The following PTPRD variants were observed in gnomAD, a reference collection of about 807,000 sequenced individuals.
The protein encoded by PTPRD is receptor-type tyrosine-protein phosphatase delta.
PTPRD carries 34 observed loss-of-function variants against 214.5 expected under a neutral mutation model. The observed-to-expected ratio is 0.16, with a 90% CI of 0.12 to 0.21. The LOEUF (loss-of-function observed/expected upper bound fraction) is 0.21, where lower values mean the gene tolerates loss of function less well. Among genes scored for constraint, PTPRD ranks in the 10% least tolerant of loss-of-function variants. The pLI, the probability that PTPRD is intolerant of heterozygous loss-of-function variation, is 1.00. For missense variants in PTPRD, 2,545 were observed against 2,398.7 expected (o/e 1.06, Z -1.27); for synonymous variants, 1,128 against 845.7 (o/e 1.33, Z -5.79).
intron 8 of PTPRD, among the ~76,000 whole-genome samples, chr9:9,410,430 T>G (rs964134623): frequency 6.6e-6 from 1 of 152,230 alleles, no homozygotes; most frequent in Non-Finnish European, 1.5e-5. Context: ...GTTTCCTATG[T>G]CCAGCTTACA....
chr9:8,637,055 A>G (rs2096458928), intron 12 of PTPRD, among the ~76,000 whole-genome samples: 1 of 152,200 alleles, frequency 6.6e-6, no homozygotes, highest in Non-Finnish European at 1.5e-5. Context: ...TAAGTTATCT[A>G]TTAGTGCTTT....
At chr9:9,731,007 A>T (rs970668616) in intron 7 of PTPRD, among the ~76,000 whole-genome samples, 4 of 152,200 alleles carry the variant, frequency 2.6e-5, no homozygotes, top group African/African-American at 9.6e-5. Context: ...AAATTGCCAG[A>T]ACTACACACA....
At chr9:8,530,458 A>T (rs968900139) in intron 14 of PTPRD, among the ~76,000 whole-genome samples, 26 of 152,138 alleles carry the variant, frequency 1.7e-4, no homozygotes, top group African/African-American at 6.3e-4. Flanking sequence ...TCTCTCAAAC[A>T]TATTTCATTC....
intron 11 of PTPRD, among the ~76,000 whole-genome samples, chr9:8,912,573 T>A (rs1180975166): frequency 1.3e-5 from 2 of 152,108 alleles, no homozygotes; most frequent in African/African-American, 4.8e-5. Context: ...ATTGTGGTAA[T>A]AGATACAAAA....
rs1032644072 is a variant in PTPRD at position 8,912,438 on chromosome 9, A to G, written c.-104+106259T>C. On this transcript the variant is annotated intron_variant, in intron 11 of 45. Transcript: ENST00000381196. ...CACATTGTATGACTCAGTTTATATGAACTTTACAGAAAGGACAAACCTACG... is the reference window on the plus strand; with the variant it reads ...CACATTGTATGACTCAGTTTATATGGACTTTACAGAAAGGACAAACCTACG... Among the ~76,000 whole-genome samples, 3 of 152,154 alleles carry G rather than the reference A, an allele frequency of 2.0e-5. No homozygotes were observed. The South Asian group carries it at 6.2e-4, about 32-fold the overall frequency.
intron 10 of PTPRD, among the ~76,000 whole-genome samples, chr9:9,046,220 A>G (rs1229710661): frequency 6.6e-6 from 1 of 152,208 alleles, no homozygotes; most frequent in Non-Finnish European, 1.5e-5. Context: ...GCTAGTTGTT[A>G]TAATTAGAAG....
intron 5 of PTPRD, among the ~76,000 whole-genome samples, chr9:9,936,091 A>C (rs1448599424): frequency 6.8e-6 from 1 of 146,888 alleles, no homozygotes; most frequent in South Asian, 2.1e-4. Flanking sequence ...GATGGATTAA[A>C]GACTTAAACG....
intron 14 of PTPRD, among the ~76,000 whole-genome samples, chr9:8,588,859 G>C (rs2093878941): frequency 6.6e-6 from 1 of 151,998 alleles, no homozygotes; most frequent in Non-Finnish European, 1.5e-5. Context: ...TGTTTCAAAA[G>C]GATAATCTGG....
intron 3 of PTPRD, among the ~76,000 whole-genome samples, chr9:10,179,311 C>T (rs1441399171): frequency 6.6e-6 from 1 of 151,834 alleles, no homozygotes; most frequent in Non-Finnish European, 1.5e-5. Context: ...TTATAGAAAG[C>T]ACAAATATCA....
At chr9:8,919,344 G>A (rs184929346) in intron 11 of PTPRD, among the ~76,000 whole-genome samples, 50 of 148,826 alleles carry the variant, frequency 3.4e-4, no homozygotes, top group African/African-American at 1.2e-3. Flanking sequence ...GTGAGCCGAG[G>A]CTATGCCACT....
intron 7 of PTPRD, among the ~76,000 whole-genome samples, chr9:9,733,949 C>T (rs571256686): frequency 1.2e-4 from 18 of 152,102 alleles, no homozygotes; most frequent in Middle Eastern, 3.2e-3. Flanking sequence ...TACACAACTT[C>T]ACAGAAAACC....
chr9:8,559,200 AG>A (rs2085181949), intron 14 of PTPRD, among the ~76,000 whole-genome samples: 1 of 152,232 alleles, frequency 6.6e-6, no homozygotes, highest in African/African-American at 2.4e-5. Flanking sequence ...ATAGTACAGT[AG>A]AAAAATTATA....
chr9:10,172,395 C>G (rs369050295), intron 3 of PTPRD, among the ~76,000 whole-genome samples: 5 of 152,248 alleles, frequency 3.3e-5, no homozygotes, highest in Admixed American at 6.5e-5. Flanking sequence ...CAAAATATTA[C>G]AATTATATTA....
chr9:10,563,778 G>A (rs1247919469), intron 2 of PTPRD, among the ~76,000 whole-genome samples: 1 of 151,798 alleles, frequency 6.6e-6, no homozygotes, highest in Non-Finnish European at 1.5e-5. Context: ...TTTTGATGTT[G>A]AGTAAAACAA....
At chr9:10,181,225 A>G (rs553483517) in intron 3 of PTPRD, among the ~76,000 whole-genome samples, 1 of 152,264 alleles carries the variant, frequency 6.6e-6, no homozygotes, top group East Asian at 1.9e-4. Context: ...ATAATTTTAT[A>G]TGAGCAATTT....
chr9:10,504,698 C>G (rs529788769), intron 2 of PTPRD, among the ~76,000 whole-genome samples: 1 of 152,234 alleles, frequency 6.6e-6, no homozygotes, highest in African/African-American at 2.4e-5. Context: ...AACTGAGATT[C>G]AGAAAAAATA....
intron 5 of PTPRD, among the ~76,000 whole-genome samples, chr9:9,833,380 G>A (rs994636375): frequency 6.6e-6 from 1 of 151,914 alleles, no homozygotes; most frequent in African/African-American, 2.4e-5. Context: ...GGGAGTATAC[G>A]AATAGGTGTG....
chr9:8,614,208 C>G (rs2095538882), intron 14 of PTPRD, among the ~76,000 whole-genome samples: 1 of 152,044 alleles, frequency 6.6e-6, no homozygotes, highest in Admixed American at 6.6e-5. Flanking sequence ...TGTGAATTCA[C>G]CTATTTGCTA....
chr9:9,235,309 C>T lies in PTPRD; in HGVS notation c.-202-51946G>A, dbSNP rs146353537. Among the ~76,000 whole-genome samples the T allele has an allele frequency of 7.5e-3, 1,134 of 152,210 alleles. 10 individuals are homozygous for T. The highest frequency in any genetic ancestry group is 0.026 in the African/African-American group (1,095 of 41,510). On this transcript the variant is annotated intron_variant, in intron 9 of 45. Transcript: ENST00000381196. Reference sequence around the variant, plus strand: ...TGACAAATGTGGATTATGGGAACTACGATTCAAGATGAGATTTGGGTGGGG... The same window carrying T: ...TGACAAATGTGGATTATGGGAACTATGATTCAAGATGAGATTTGGGTGGGG...
Sources: gnomAD v4.1 joint callset for allele counts (sites outside exome capture counted in the v4.1 genomes callset) on GRCh38, gnomAD v4.1.1 for gene constraint, MANE v1.5 for transcripts, NCBI Gene and HGNC (gene_info 2026-07-23, HGNC 2026-07-21) for gene names.